The following GUCY2F variants were observed in gnomAD, a reference collection of about 807,000 sequenced individuals.
GUCY2F encodes guanylate cyclase 2F, retinal.
In GUCY2F, 61 loss-of-function variants were observed where a neutral mutation model predicts 73.1. That is an observed-to-expected ratio of 0.83 (90% confidence interval 0.68 to 1.03). The LOEUF (loss-of-function observed/expected upper bound fraction) is 1.03. Among genes scored for constraint, GUCY2F ranks in the 50% least tolerant of loss-of-function variants. The pLI, the probability that GUCY2F is intolerant of heterozygous loss-of-function variation, is 0.00. For synonymous variants in GUCY2F, 331 were observed against 307.8 expected (o/e 1.08, Z -0.79); for missense variants, 912 against 854.3 (o/e 1.07, Z -0.84).
intron 9 of GUCY2F, 36 bp downstream of exon 9, chrX:109,408,956 G>A (rs747139749): frequency 2.6e-6 from 2 of 756,231 alleles, no homozygotes; most frequent in African/African-American, 2.1e-5. Context: ...CTAATCTACA[G>A]AGAAAATCCA....
At chrX:109,406,147 G>A (rs1487817686) in intron 9 of GUCY2F, among the ~76,000 whole-genome samples, 1 of 111,751 alleles carries the variant, frequency 8.9e-6, no homozygotes, top group Non-Finnish European at 1.9e-5. Flanking sequence ...ATTCCATGGC[G>A]TTCATGGGAT....
intron 8 of GUCY2F, among the ~76,000 whole-genome samples, chrX:109,421,440 A>G (rs1931369466): frequency 9.0e-6 from 1 of 111,660 alleles, no homozygotes; most frequent in African/African-American, 3.2e-5. Flanking sequence ...ATGCTACAAC[A>G]TGAATGAACC....
intron 8 of GUCY2F, among the ~76,000 whole-genome samples, chrX:109,417,333 G>A (rs184338307): frequency 1.8e-3 from 195 of 110,948 alleles, no homozygotes; most frequent in Non-Finnish European, 2.6e-3. Context: ...GATAACAATA[G>A]GGCAAAGAAT....
intron 7 of GUCY2F, among the ~76,000 whole-genome samples, chrX:109,440,395 C>T (rs1175372523): frequency 8.9e-6 from 1 of 112,147 alleles, no homozygotes; most frequent in Admixed American, 9.4e-5. Flanking sequence ...ATCAATTGGC[C>T]ATTAAGTTTC....
chrX:109,388,428 TC>T, intron 15 of GUCY2F, 60 bp downstream of exon 15: 1 of 876,592 alleles, frequency 1.1e-6, no homozygotes. Context: ...TTTTTCCCTT[TC>T]TTTTTTAGTC....
At chrX:109,403,848 C>A (rs1038062282) in intron 10 of GUCY2F, among the ~76,000 whole-genome samples, 2 of 112,337 alleles carry the variant, frequency 1.8e-5, no homozygotes, top group African/African-American at 6.5e-5. Flanking sequence ...CACAGTTCTG[C>A]CTGAAGCCTT....
Position 109,388,626 on chromosome X carries a change from C to T in GUCY2F, c.2819G>A (p.Gly940Asp), listed in dbSNP as rs374150536. ...CCTACTGCCATTCCTCTTTGGGAGG[C>T]CTGAAGCCACCATGTAGGCATCTCC... Reference protein sequence around the residue: ...TIGDAYMVASGLPKRNGSRHA... With the variant: ...TIGDAYMVASDLPKRNGSRHA... The change falls in exon 15 of 20, where the codon GGC becomes GAC. Residue 940 changes from glycine to aspartate, a missense_variant. Transcript: ENST00000218006. The T allele has an allele frequency of 6.8e-5, 81 of 1,196,442 alleles. No homozygotes were observed. The highest frequency in any genetic ancestry group is 9.1e-5 in the Non-Finnish European group (80 of 883,281).
chrX:109,376,844 C>T (rs1413603141), intron 17 of GUCY2F, among the ~76,000 whole-genome samples: 2 of 111,975 alleles, frequency 1.8e-5, no homozygotes, highest in African/African-American at 6.5e-5. Context: ...CTGCCTTTCT[C>T]TCTTTCCAGT....
intron 6 of GUCY2F, 36 bp from the exon 7 acceptor site, chrX:109,441,518 A>T: frequency 1.9e-6 from 2 of 1,057,619 alleles, no homozygotes; most frequent in Non-Finnish European, 2.5e-6. Context: ...TTATGACCAA[A>T]ATACTCATGA....
chrX:109,436,186 G>A (rs1348202368), intron 7 of GUCY2F, among the ~76,000 whole-genome samples: 5 of 112,232 alleles, frequency 4.5e-5, no homozygotes, highest in African/African-American at 1.6e-4. Context: ...ATGAAAAAAT[G>A]CTCATCATCA....
intron 3 of GUCY2F, among the ~76,000 whole-genome samples, chrX:109,463,639 G>A (rs1363828924): frequency 1.8e-5 from 2 of 110,121 alleles, no homozygotes; most frequent in Non-Finnish European, 3.8e-5. Flanking sequence ...GGGTTTCACC[G>A]TGTTAGCCAG....
chrX:109,406,406 T>C (rs1027062544), intron 9 of GUCY2F, among the ~76,000 whole-genome samples: 2 of 111,775 alleles, frequency 1.8e-5, no homozygotes, highest in Non-Finnish European at 3.8e-5. Flanking sequence ...AATGAGCACT[T>C]TCCCACATCC....
intron 5 of GUCY2F, 39 bp from the exon 6 acceptor site, chrX:109,448,204 G>A: frequency 1.4e-6 from 1 of 707,214 alleles, no homozygotes; most frequent in Admixed American, 2.3e-5. Context: ...CAAGGGACTG[G>A]GTGTTTTGGC....
intron 8 of GUCY2F, among the ~76,000 whole-genome samples, chrX:109,417,948 A>C (rs1026644055): frequency 1.0e-5 from 1 of 99,518 alleles, no homozygotes; most frequent in African/African-American, 5.0e-5. Context: ...ATGTGCAAAG[A>C]TGTGCTGGAT....
intron 9 of GUCY2F, among the ~76,000 whole-genome samples, chrX:109,406,841 C>T (rs767825413): frequency 5.4e-5 from 6 of 111,987 alleles, no homozygotes; most frequent in Non-Finnish European, 9.4e-5. Flanking sequence ...GTAAGAAGTG[C>T]CTTTTGCCTC....
intron 8 of GUCY2F, among the ~76,000 whole-genome samples, chrX:109,415,205 C>G (rs1388038653): frequency 1.8e-5 from 2 of 112,138 alleles, no homozygotes; most frequent in Non-Finnish European, 3.8e-5. Flanking sequence ...CCATTTTCTT[C>G]CCTGAGGACA....
intron 3 of GUCY2F, among the ~76,000 whole-genome samples, chrX:109,462,633 T>C (rs1932384804): frequency 8.9e-6 from 1 of 111,869 alleles, no homozygotes; most frequent in Admixed American, 9.5e-5. Flanking sequence ...TTGATGCAAA[T>C]ATCAAGAGAA....
chrX:109,445,932 G>A (rs1931994576), intron 6 of GUCY2F, among the ~76,000 whole-genome samples: 3 of 111,744 alleles, frequency 2.7e-5, no homozygotes, highest in Non-Finnish European at 1.9e-5. Flanking sequence ...AAAGTCTCAG[G>A]ATACAAAATC....
At chrX:109,385,390 T>G (rs1603378866) in intron 15 of GUCY2F, 108 bp from the exon 16 acceptor site, 2 of 435,055 alleles carry the variant, frequency 4.6e-6, no homozygotes, top group East Asian at 8.0e-5. Context: ...GAATAAAAGT[T>G]GCCATCATAT....
Sources: gnomAD v4.1 joint callset for allele counts (sites outside exome capture counted in the v4.1 genomes callset) on GRCh38, gnomAD v4.1.1 for gene constraint, MANE v1.5 for transcripts, NCBI Gene and HGNC (gene_info 2026-07-23, HGNC 2026-07-21) for gene names.